Variants in PTPRK observed in about 807,000 individuals in gnomAD.
PTPRK encodes the protein receptor-type tyrosine-protein phosphatase kappa.
PTPRK carries 75 observed loss-of-function variants against 178.0 expected under a neutral mutation model. That is an observed-to-expected ratio of 0.42 (90% CI 0.35 to 0.51). PTPRK has a LOEUF of 0.51. Ranked by LOEUF, PTPRK falls within the 20% of genes least tolerant of loss-of-function variation. The probability of loss-of-function intolerance (pLI) is 0.02; values close to 1 mark genes in which losing one functional copy is unlikely to be tolerated. For missense variants in PTPRK, 1,441 were observed against 1,797.8 expected (o/e 0.80, Z 3.59); for synonymous variants, 637 against 620.6 (o/e 1.03, Z -0.39).
chr6:128,171,065 C>A (rs1208704615), intron 7 of PTPRK, among the ~76,000 whole-genome samples: 2 of 151,744 alleles, frequency 1.3e-5, no homozygotes, highest in Admixed American at 6.6e-5. Context: ...TAATGATGTA[C>A]CTTACAAAGG....
intron 3 of PTPRK, among the ~76,000 whole-genome samples, chr6:128,297,965 T>G (rs987416106): frequency 2.6e-5 from 4 of 151,868 alleles, no homozygotes; most frequent in African/African-American, 7.3e-5. Context: ...TCAACAAAAT[T>G]GATAGACTGC....
intron 2 of PTPRK, among the ~76,000 whole-genome samples, chr6:128,331,163 C>A (rs940671962): frequency 6.6e-6 from 1 of 152,108 alleles, no homozygotes; most frequent in East Asian, 1.9e-4. Context: ...GTATGTTGTT[C>A]ATCCAAAAAT....
At chr6:128,488,876 G>A (rs1272599760) in intron 1 of PTPRK, among the ~76,000 whole-genome samples, 1 of 151,138 alleles carries the variant, frequency 6.6e-6, no homozygotes. Context: ...TTTTCAGCTT[G>A]TACCAACAAA....
At chr6:128,308,762 A>G (rs761276847) in intron 3 of PTPRK, among the ~76,000 whole-genome samples, 156 of 152,322 alleles carry the variant, frequency 1.0e-3, no homozygotes, top group Admixed American at 3.5e-3. Flanking sequence ...TATGAAGAAC[A>G]TATGTCCAGA....
chr6:128,448,018 A>C (rs995520372), intron 1 of PTPRK, among the ~76,000 whole-genome samples: 1 of 152,182 alleles, frequency 6.6e-6, no homozygotes, highest in Admixed American at 6.5e-5. Flanking sequence ...AAAATACTCC[A>C]TGACTCAGAA....
chr6:128,371,127 C>T (rs1836214184), intron 2 of PTPRK, among the ~76,000 whole-genome samples: 1 of 152,160 alleles, frequency 6.6e-6, no homozygotes, highest in Middle Eastern at 3.2e-3. Flanking sequence ...CACGCTCTTC[C>T]ACTCTCACCA....
At chr6:128,213,916 A>G (rs1348553974) in intron 6 of PTPRK, among the ~76,000 whole-genome samples, 1 of 152,140 alleles carries the variant, frequency 6.6e-6, no homozygotes, top group African/African-American at 2.4e-5. Flanking sequence ...TGTAGACACC[A>G]CAATTGTCAT....
intron 7 of PTPRK, among the ~76,000 whole-genome samples, chr6:128,180,954 C>A (rs897493946): frequency 6.6e-6 from 1 of 151,978 alleles, no homozygotes; most frequent in Non-Finnish European, 1.5e-5. Flanking sequence ...AGTTGAGGCC[C>A]ATCTGTCTGA....
intron 11 of PTPRK, among the ~76,000 whole-genome samples, chr6:128,068,971 C>CAG (rs1271056418): frequency 1.3e-5 from 2 of 150,258 alleles, no homozygotes; most frequent in South Asian, 2.1e-4. Context: ...GAAAGAGAGA[C>CAG]AGAGAGAGAG....
chr6:128,242,537 T>C lies in PTPRK; in HGVS notation c.561A>G (p.Val187=), dbSNP rs1411418832. 1 of 1,612,988 alleles carries C rather than the reference T, an allele frequency of 6.2e-7. No individual in the cohort carries two copies. The highest frequency in any genetic ancestry group is 8.5e-7 in the Non-Finnish European group (1 of 1,179,572). Residue 187 remains valine (V), a synonymous_variant, in exon 4 of 30, where the codon GTA becomes GTG. Transcript: ENST00000368226. ...ACAACCTACCACAAGGATAACTCAG[T>C]ACTTGGATGTCATCAATGGCAATAT... is the stretch of plus-strand genomic sequence containing the variant. The part of the protein sequence containing the change: ...SGYIAIDDIQ[V]LSYPCDKSPH...
intron 1 of PTPRK, among the ~76,000 whole-genome samples, chr6:128,405,371 T>A (rs1281514703): frequency 6.6e-6 from 1 of 152,208 alleles, no homozygotes; most frequent in East Asian, 1.9e-4. Context: ...AACTGTAGGA[T>A]AATAAACCAG....
chr6:128,034,478 T>C (rs1775874749), intron 13 of PTPRK, among the ~76,000 whole-genome samples: 1 of 152,222 alleles, frequency 6.6e-6, no homozygotes, highest in South Asian at 2.1e-4. Flanking sequence ...CACACATTTA[T>C]ATCTTCATGC....
At position 128,174,950 on chromosome 6, in the gene PTPRK, C is replaced by T. The variant is rs535236941; in HGVS notation, c.1162+9482G>A. 4.6e-5 allele frequency among the ~76,000 whole-genome samples: 7 copies of T among 152,014 alleles called. No homozygotes were observed. The South Asian group carries it at 1.2e-3, about 27-fold the overall frequency. On this transcript the variant is annotated intron_variant, in intron 7 of 29. Coordinates refer to ENST00000368226, the MANE Select transcript of PTPRK (RefSeq NM_002844.4). ...TCAACACAGAAATGCATTCAGGCAG[C>T]CTCAGTTTGCATTTATGAGTTTACA...
intron 5 of PTPRK, among the ~76,000 whole-genome samples, chr6:128,236,917 T>C (rs1813388479): frequency 6.6e-6 from 1 of 152,200 alleles, no homozygotes; most frequent in Non-Finnish European, 1.5e-5. Flanking sequence ...TATGAAATTA[T>C]CCTAGATTAA....
intron 2 of PTPRK, among the ~76,000 whole-genome samples, chr6:128,367,606 G>A (rs1015115577): frequency 2.6e-5 from 4 of 152,088 alleles, no homozygotes; most frequent in East Asian, 1.9e-4. Flanking sequence ...AATCTAAACC[G>A]TCAAGTATGA....
chr6:128,468,266 T>C (rs755421898), intron 1 of PTPRK, among the ~76,000 whole-genome samples: 26 of 152,184 alleles, frequency 1.7e-4, no homozygotes, highest in Non-Finnish European at 1.3e-4. Context: ...TTTGTAGGAA[T>C]ATTAACAGGC....
intron 7 of PTPRK, among the ~76,000 whole-genome samples, chr6:128,111,177 A>G (rs79075775): frequency 0.021 from 3,177 of 152,318 alleles, 114 homozygotes; most frequent in African/African-American, 0.072. Flanking sequence ...GAATGCAACC[A>G]AAGACCATGT....
chr6:128,215,915 C>T (rs1243758076), intron 6 of PTPRK, among the ~76,000 whole-genome samples: 3 of 151,794 alleles, frequency 2.0e-5, no homozygotes, highest in Non-Finnish European at 4.4e-5. Flanking sequence ...ACAGTTAATT[C>T]TCAGCACTGT....
chr6:128,453,755 C>T (rs1173338658), intron 1 of PTPRK, among the ~76,000 whole-genome samples: 1 of 152,108 alleles, frequency 6.6e-6, no homozygotes, highest in Non-Finnish European at 1.5e-5. Flanking sequence ...TGTATCCAAG[C>T]TCTACATTGG....
Sources: allele counts gnomAD v4.1 joint callset (sites outside exome capture counted in the v4.1 genomes callset), GRCh38; gene constraint gnomAD v4.1.1; transcripts MANE v1.5; gene names NCBI Gene and HGNC (gene_info 2026-07-23, HGNC 2026-07-21).